The following ARHGAP15 variants were observed in gnomAD, a reference collection of about 807,000 sequenced individuals.
ARHGAP15 encodes Rho GTPase activating protein 15, also known as rho GTPase-activating protein 15.
In ARHGAP15, 51 loss-of-function variants were observed where a neutral mutation model predicts 63.7. The observed-to-expected ratio is 0.80, with a 90% CI of 0.64 to 1.01. The LOEUF (loss-of-function observed/expected upper bound fraction) is 1.01, where lower values mean the gene tolerates loss of function less well. Ranked by LOEUF, ARHGAP15 falls within the 50% of genes least tolerant of loss-of-function variation. ARHGAP15 has a pLI of 0.00. For missense variants in ARHGAP15, 560 were observed against 564.6 expected (o/e 0.99, Z 0.08); for synonymous variants, 191 against 193.8 (o/e 0.99, Z 0.12).
chr2:143,381,576 A>G (rs1687054807), intron 6 of ARHGAP15, among the ~76,000 whole-genome samples: 1 of 152,146 alleles, frequency 6.6e-6, no homozygotes, highest in Admixed American at 6.6e-5. Flanking sequence ...GGAATCCTCT[A>G]CTTCCTGCAC....
chr2:143,508,039 T>C (rs371912365), intron 9 of ARHGAP15, among the ~76,000 whole-genome samples: 12 of 143,768 alleles, frequency 8.3e-5, no homozygotes, highest in African/African-American at 2.1e-4. Flanking sequence ...CACCCCCCCC[T>C]CCTCCATAAT....
intron 10 of ARHGAP15, among the ~76,000 whole-genome samples, chr2:143,553,172 A>G (rs956252561): frequency 6.6e-6 from 1 of 152,196 alleles, no homozygotes; most frequent in African/African-American, 2.4e-5. Flanking sequence ...CAACTCCAAG[A>G]CTGTACCTAT....
chr2:143,726,142 C>T (rs1043103693), intron 13 of ARHGAP15, among the ~76,000 whole-genome samples: 1 of 152,138 alleles, frequency 6.6e-6, no homozygotes, highest in Non-Finnish European at 1.5e-5. Flanking sequence ...GCATGATTAG[C>T]ACTGTGACAG....
At chr2:143,310,665 A>T (rs1683403497) in intron 6 of ARHGAP15, among the ~76,000 whole-genome samples, 1 of 152,032 alleles carries the variant, frequency 6.6e-6, no homozygotes, top group Non-Finnish European at 1.5e-5. Flanking sequence ...ATTTATATAA[A>T]AAGTGTAGCT....
chr2:143,353,722 G>A (rs1685679177), intron 6 of ARHGAP15, among the ~76,000 whole-genome samples: 1 of 152,086 alleles, frequency 6.6e-6, no homozygotes, highest in Non-Finnish European at 1.5e-5. Flanking sequence ...TAATTTCCAT[G>A]TATTTGTTGA....
chr2:143,273,837 T>A (rs1036856569), intron 6 of ARHGAP15, among the ~76,000 whole-genome samples: 3 of 152,216 alleles, frequency 2.0e-5, no homozygotes, highest in African/African-American at 7.2e-5. Flanking sequence ...TATTTATTGC[T>A]AATTTATTTC....
At chr2:143,421,800 A>ATATATATGTG (rs1322174239) in intron 6 of ARHGAP15, among the ~76,000 whole-genome samples, 2 of 14,410 alleles carry the variant, frequency 1.4e-4, no homozygotes, top group African/African-American at 3.9e-4. Context: ...ATATATATAT[A>ATATATATGTG]TGTGTGTGTT....
At chr2:143,676,276 CAAG>C (rs1304928742) in intron 12 of ARHGAP15, 25 of 152,376 alleles carry the variant, frequency 1.6e-4, no homozygotes, top group African/African-American at 6.0e-4. Flanking sequence ...TTCATATCAT[CAAG>C]AAGTCTGTTT....
intron 6 of ARHGAP15, among the ~76,000 whole-genome samples, chr2:143,402,289 C>A (rs1688016375): frequency 6.6e-6 from 1 of 151,546 alleles, no homozygotes; most frequent in Non-Finnish European, 1.5e-5. Flanking sequence ...TATTAAGCCC[C>A]AACAAAAGAA....
chr2:143,606,014 C>T (rs547252493), intron 11 of ARHGAP15, among the ~76,000 whole-genome samples: 42 of 114,716 alleles, frequency 3.7e-4, no homozygotes, highest in Admixed American at 2.8e-3. Context: ...CCAACCTGGG[C>T]GCCAGAGCAA....
In ARHGAP15 at chr2:143,315,895, G is replaced by A. The variant is rs1409048957; in HGVS notation, c.474+65295G>A. ...AAGTCAGGAGTTCAAGATCAGCCTG[G>A]CCAACACGGTGAAACTGCGTCTGTA... On this transcript the variant is annotated intron_variant, in intron 6 of 13. Coordinates refer to ENST00000295095, the MANE Select transcript of ARHGAP15 (RefSeq NM_018460.4). Among the ~76,000 whole-genome samples, 13 of 141,372 alleles carry A rather than the reference G, an allele frequency of 9.2e-5. No individual in the cohort carries two copies. In the East Asian group the frequency reaches 2.1e-3, roughly 23 times the overall value. 92.7% of individuals were successfully genotyped at this position (141,372 alleles called of 152,430 possible). A position where few individuals can be genotyped will look rare whatever the true frequency, so the allele number is the denominator to read the frequency against.
At chr2:143,192,308 A>G (rs1691714417) in intron 2 of ARHGAP15, among the ~76,000 whole-genome samples, 1 of 152,242 alleles carries the variant, frequency 6.6e-6, no homozygotes. Context: ...GTAGTCACAC[A>G]TAACTAACTG....
intron 6 of ARHGAP15, among the ~76,000 whole-genome samples, chr2:143,396,625 T>C (rs1339141631): frequency 6.6e-6 from 1 of 152,020 alleles, no homozygotes; most frequent in Admixed American, 6.6e-5. Flanking sequence ...GTTTTTTTTT[T>C]TTTTTAATCT....
At chr2:143,320,063 C>T (rs1394457657) in intron 6 of ARHGAP15, among the ~76,000 whole-genome samples, 1 of 152,084 alleles carries the variant, frequency 6.6e-6, no homozygotes, top group African/African-American at 2.4e-5. Flanking sequence ...TGTTGTACCA[C>T]CAAACATGAA....
intron 12 of ARHGAP15, among the ~76,000 whole-genome samples, chr2:143,650,429 A>C (rs1335122346): frequency 2.0e-5 from 3 of 151,850 alleles, no homozygotes; most frequent in Admixed American, 1.3e-4. Flanking sequence ...GAATTAACTA[A>C]CCTGTAATCA....
At chr2:143,525,253 T>C (rs969162556) in intron 10 of ARHGAP15, among the ~76,000 whole-genome samples, 11 of 152,032 alleles carry the variant, frequency 7.2e-5, no homozygotes, top group African/African-American at 2.7e-4. Context: ...AAAACTTTTA[T>C]GATTCTATCT....
At chr2:143,147,671 C>T (rs186824894) in intron 1 of ARHGAP15, among the ~76,000 whole-genome samples, 64 of 152,084 alleles carry the variant, frequency 4.2e-4, no homozygotes, top group African/African-American at 1.5e-3. Context: ...ACCTTTTCTT[C>T]AAATGCTTTA....
intron 6 of ARHGAP15, among the ~76,000 whole-genome samples, chr2:143,370,544 T>A (rs1330331386): frequency 6.6e-6 from 1 of 152,218 alleles, no homozygotes; most frequent in African/African-American, 2.4e-5. Flanking sequence ...GATTATATTG[T>A]ATATACTTAC....
chr2:143,544,841 C>A (rs537482281), intron 10 of ARHGAP15, among the ~76,000 whole-genome samples: 1 of 152,306 alleles, frequency 6.6e-6, no homozygotes, highest in African/African-American at 2.4e-5. Flanking sequence ...CTAGTCCCAC[C>A]TCTCTGTGGA....
Sources: allele counts gnomAD v4.1 joint callset (sites outside exome capture counted in the v4.1 genomes callset), GRCh38; gene constraint gnomAD v4.1.1; transcripts MANE v1.5; gene names NCBI Gene and HGNC (gene_info 2026-07-23, HGNC 2026-07-21).